TUSC3: variants seen among roughly 807,000 people sequenced by gnomAD.
The protein encoded by TUSC3 is tumor suppressor candidate 3.
Under a neutral mutation model 44.8 loss-of-function variants are expected in TUSC3, and 45 were observed. That is an observed-to-expected ratio of 1.00 (90% CI 0.79 to 1.29). The LOEUF is 1.29. Among genes scored for constraint, TUSC3 ranks in the 50% most tolerant of loss-of-function variants. The probability of loss-of-function intolerance (pLI) is 0.00; values close to 1 mark genes in which losing one functional copy is unlikely to be tolerated. For missense variants in TUSC3, 519 were observed against 437.9 expected, an observed-to-expected ratio of 1.19 and a Z score of -1.65; for synonymous variants, 212 against 152.9, an observed-to-expected ratio of 1.39 and a Z score of -2.85.
intron 3 of TUSC3, among the ~76,000 whole-genome samples, chr8:15,653,563 G>C (rs1367379266): frequency 6.6e-6 from 1 of 152,100 alleles, no homozygotes; most frequent in East Asian, 1.9e-4. Flanking sequence ...ATTTTCTCAG[G>C]TTAATTTTGA....
At chr8:15,675,765 G>A (rs1379139902) in intron 6 of TUSC3, among the ~76,000 whole-genome samples, 3 of 152,128 alleles carry the variant, frequency 2.0e-5, no homozygotes, top group African/African-American at 4.8e-5. Context: ...CAAAGGACAT[G>A]AGTTCATTCT....
rs545154991 is a variant in TUSC3 at position 15,622,735 on chromosome 8, G to A, written c.139-345G>A. ...TGTGATGTTTGGCTAGACTAGAGTA[G>A]AGCAGTTATTATTTTTACTGGGCTT... On this transcript the variant is annotated intron_variant, in intron 1 of 10. Transcript: ENST00000503731. 2.0e-5 allele frequency among the ~76,000 whole-genome samples: 3 copies of A among 152,156 alleles called. No individual in the cohort carries two copies. The South Asian group carries it at 6.2e-4, about 32-fold the overall frequency.
At chr8:15,778,472 A>AT in the TUSC3 span, among the ~76,000 whole-genome samples, 65 of 150,112 alleles carry the variant, frequency 4.3e-4, 3 homozygotes, top group South Asian at 5.3e-3. Flanking sequence ...ACTATTAATG[A>AT]TTTTTTTTTT....
chr8:15,519,889 G>C (rs943765507), intron 2 of TUSC3, among the ~76,000 whole-genome samples: 5 of 152,172 alleles, frequency 3.3e-5, no homozygotes, highest in African/African-American at 4.8e-5. Flanking sequence ...TGGAATAATA[G>C]TCTTGCCATA....
At chr8:15,631,259 A>G (rs1162670555) in intron 2 of TUSC3, among the ~76,000 whole-genome samples, 2 of 152,198 alleles carry the variant, frequency 1.3e-5, no homozygotes, top group Non-Finnish European at 2.9e-5. Context: ...CATTGAAGGC[A>G]TATGACGTAA....
chr8:15,742,346 T>C (rs1310692583), intron 7 of TUSC3, among the ~76,000 whole-genome samples: 1 of 140,720 alleles, frequency 7.1e-6, no homozygotes, highest in Non-Finnish European at 1.6e-5. Flanking sequence ...AAAAACCGTT[T>C]GTATAGAGAG....
chr8:15,628,517 G>A (rs956581921), intron 2 of TUSC3, among the ~76,000 whole-genome samples: 2 of 152,134 alleles, frequency 1.3e-5, no homozygotes, highest in Admixed American at 6.6e-5. Context: ...AGAGATTGAA[G>A]TTCTTGGAAA....
the TUSC3 span, among the ~76,000 whole-genome samples, chr8:15,792,019 C>T: frequency 8.5e-5 from 13 of 152,066 alleles, no homozygotes; most frequent in Non-Finnish European, 1.3e-4. Context: ...AAAAAAGCCA[C>T]AGACATGTAG....
intron 6 of TUSC3, among the ~76,000 whole-genome samples, chr8:15,676,035 AT>A (rs1327650928): frequency 6.6e-6 from 1 of 152,054 alleles, no homozygotes; most frequent in Non-Finnish European, 1.5e-5. Flanking sequence ...AATTGTACTA[AT>A]TTACATTCCC....
At chr8:15,565,338 A>G (rs1478766231) in intron 1 of TUSC3, among the ~76,000 whole-genome samples, 1 of 152,102 alleles carries the variant, frequency 6.6e-6, no homozygotes, top group Non-Finnish European at 1.5e-5. Flanking sequence ...CCTGGCTAAT[A>G]TAGGATAATC....
intron 6 of TUSC3, among the ~76,000 whole-genome samples, chr8:15,704,255 GTTT>G (rs373598712): frequency 2.2e-5 from 3 of 137,066 alleles, no homozygotes; most frequent in Admixed American, 1.5e-4. Context: ...ATTCTTAATG[GTTT>G]TTTTTTTTTT....
intron 1 of TUSC3, among the ~76,000 whole-genome samples, chr8:15,577,786 T>C (rs1202853366): frequency 1.4e-5 from 2 of 145,488 alleles, no homozygotes; most frequent in Admixed American, 6.9e-5. Context: ...AGGATTGACT[T>C]GGCGATGCGG....
intron 2 of TUSC3, among the ~76,000 whole-genome samples, chr8:15,534,725 C>T (rs1416675750): frequency 6.6e-6 from 1 of 151,878 alleles, no homozygotes; most frequent in African/African-American, 2.4e-5. Flanking sequence ...AATCCAGCAG[C>T]CTCCAGAATC....
At chr8:15,426,563 A>G (rs1417382145) in intron 1 of TUSC3, among the ~76,000 whole-genome samples, 1 of 152,224 alleles carries the variant, frequency 6.6e-6, no homozygotes, top group Non-Finnish European at 1.5e-5. Flanking sequence ...ACCTTGTCAC[A>G]AAGGACAGGA....
At chr8:15,733,350 TG>T (rs1274761721) in intron 7 of TUSC3, 3 of 402,322 alleles carry the variant, frequency 7.5e-6, no homozygotes, top group East Asian at 8.1e-5. Flanking sequence ...AGCTTCTTTT[TG>T]TTTTTTTTTT....
chr8:15,569,421 T>C (rs1384386209), intron 1 of TUSC3, among the ~76,000 whole-genome samples: 2 of 152,162 alleles, frequency 1.3e-5, no homozygotes, highest in East Asian at 3.9e-4. Flanking sequence ...AATTACAGCA[T>C]CATGATAATG....
intron 1 of TUSC3, among the ~76,000 whole-genome samples, chr8:15,600,610 G>A (rs893376457): frequency 1.3e-5 from 2 of 151,562 alleles, no homozygotes; most frequent in African/African-American, 4.8e-5. Flanking sequence ...GGGAGATAGG[G>A]GAGAGGGATA....
chr8:15,490,673 T>A (rs181433154), intron 2 of TUSC3, among the ~76,000 whole-genome samples: 1 of 152,342 alleles, frequency 6.6e-6, no homozygotes, highest in African/African-American at 2.4e-5. Flanking sequence ...CTGATTTATG[T>A]GTGACAAACA....
At chr8:15,549,467 C>G (rs75647069) in intron 1 of TUSC3, among the ~76,000 whole-genome samples, 1 of 151,578 alleles carries the variant, frequency 6.6e-6, no homozygotes, top group Admixed American at 6.6e-5. Flanking sequence ...CCACCATGCT[C>G]GGCCTAATGT....
Sources: gnomAD v4.1 joint callset for allele counts (sites outside exome capture counted in the v4.1 genomes callset) on GRCh38, gnomAD v4.1.1 for gene constraint, MANE v1.5 for transcripts, NCBI Gene and HGNC (gene_info 2026-07-23, HGNC 2026-07-21) for gene names.